HCN1: variants seen among roughly 807,000 people sequenced by gnomAD.
The protein encoded by HCN1 is hyperpolarization activated cyclic nucleotide gated potassium channel 1.
HCN1 carries 13 observed loss-of-function variants against 78.9 expected under a neutral mutation model. The ratio of observed to expected loss-of-function variants is 0.16; its 90% confidence interval spans 0.11 to 0.26. The LOEUF (loss-of-function observed/expected upper bound fraction) is 0.26. Ranked by LOEUF, HCN1 falls within the 10% of genes least tolerant of loss-of-function variation. The pLI, the probability that HCN1 is intolerant of heterozygous loss-of-function variation, is 1.00. For synonymous variants in HCN1, 552 were observed against 455.5 expected, an observed-to-expected ratio of 1.21 and a Z score of -2.70; for missense variants, 810 against 1,154.3, an observed-to-expected ratio of 0.70 and a Z score of 4.32.
At chr5:45,488,360 A>C (rs1741811484) in intron 2 of HCN1, among the ~76,000 whole-genome samples, 1 of 152,176 alleles carries the variant, frequency 6.6e-6, no homozygotes, top group African/African-American at 2.4e-5. Flanking sequence ...GGCATTTAGT[A>C]GCTCAATAAG....
rs1432507004 is a variant in HCN1, at chr5:45,652,774, C to T, written c.426-7166G>A. On this transcript the variant is annotated intron_variant, in intron 1 of 7. Coordinates refer to ENST00000303230, the MANE Select transcript of HCN1 (RefSeq NM_021072.4). ...TATTATAGCATAGCTTTTTTTCTTT[C>T]ATCCATCCACTATGCATAAAACTTT... Among the ~76,000 whole-genome samples, 3 of 151,588 alleles carry T rather than the reference C, an allele frequency of 2.0e-5. 1 individual carries two copies. The highest frequency in any genetic ancestry group is 2.9e-5 in the Non-Finnish European group (2 of 67,830).
At chr5:45,566,023 ACTG>A (rs1743700137) in intron 2 of HCN1, among the ~76,000 whole-genome samples, 2 of 152,294 alleles carry the variant, frequency 1.3e-5, no homozygotes, top group East Asian at 3.9e-4. Flanking sequence ...AAATCTGAAT[ACTG>A]CTAATTAGTC....
chr5:45,688,141 C>G (rs1045342178), intron 1 of HCN1, among the ~76,000 whole-genome samples: 4 of 152,098 alleles, frequency 2.6e-5, no homozygotes, highest in Non-Finnish European at 5.9e-5. Flanking sequence ...TCTCCTCTTT[C>G]TTCTACTTAC....
chr5:45,595,695 G>A (rs1016108302), intron 2 of HCN1, among the ~76,000 whole-genome samples: 1 of 151,648 alleles, frequency 6.6e-6, no homozygotes, highest in Admixed American at 6.6e-5. Context: ...TTCCCCTTAA[G>A]GAGCTATATG....
chr5:45,599,072 C>A (rs968445379), intron 2 of HCN1, among the ~76,000 whole-genome samples: 1 of 152,040 alleles, frequency 6.6e-6, no homozygotes, highest in Non-Finnish European at 1.5e-5. Flanking sequence ...GGGTACATAC[C>A]CAAAGGATTA....
chr5:45,632,090 T>C (rs1272620165), intron 2 of HCN1, among the ~76,000 whole-genome samples: 1 of 152,052 alleles, frequency 6.6e-6, no homozygotes, highest in South Asian at 2.1e-4. Context: ...GTTTTTGCAG[T>C]TTTGAGAGGC....
chr5:45,427,602 C>A (rs185170222), intron 3 of HCN1, among the ~76,000 whole-genome samples: 12 of 152,070 alleles, frequency 7.9e-5, no homozygotes, highest in Non-Finnish European at 1.8e-4. Flanking sequence ...AGATTTTTGA[C>A]AACATAATTT....
chr5:45,381,358 A>C (rs2112025715), intron 4 of HCN1, among the ~76,000 whole-genome samples: 1 of 152,246 alleles, frequency 6.6e-6, no homozygotes, highest in South Asian at 2.1e-4. Flanking sequence ...TGGATACATC[A>C]GGGCCAAGTG....
chr5:45,563,106 A>G (rs1255385419), intron 2 of HCN1, among the ~76,000 whole-genome samples: 1 of 152,220 alleles, frequency 6.6e-6, no homozygotes, highest in East Asian at 1.9e-4. Flanking sequence ...CATTTATCAT[A>G]CCTGGATTTA....
intron 2 of HCN1, among the ~76,000 whole-genome samples, chr5:45,606,941 G>GA (rs967218980): frequency 6.6e-6 from 1 of 151,630 alleles, no homozygotes; most frequent in East Asian, 1.9e-4. Flanking sequence ...GCTCACATTA[G>GA]AAAAAATATG....
At chr5:45,374,290 T>TAACA (rs71000631) in intron 4 of HCN1, among the ~76,000 whole-genome samples, 6 of 128,780 alleles carry the variant, frequency 4.7e-5, no homozygotes, top group African/African-American at 8.9e-5. Flanking sequence ...ATTATATACA[T>TAACA]TATATATATT....
intron 6 of HCN1, among the ~76,000 whole-genome samples, chr5:45,272,007 C>A (rs1744970078): frequency 6.6e-6 from 1 of 152,036 alleles, no homozygotes; most frequent in Non-Finnish European, 1.5e-5. Flanking sequence ...TTAAAATAAT[C>A]TCTTCTTTTA....
At chr5:45,263,378 G>T (rs1202136077) in intron 7 of HCN1, among the ~76,000 whole-genome samples, 2 of 152,238 alleles carry the variant, frequency 1.3e-5, no homozygotes, top group Non-Finnish European at 2.9e-5. Flanking sequence ...TGGTTGGCAG[G>T]TAACAGGGCT....
chr5:45,315,042 C>A (rs1579803625), intron 5 of HCN1, among the ~76,000 whole-genome samples: 5 of 152,252 alleles, frequency 3.3e-5, no homozygotes, highest in African/African-American at 1.2e-4. Context: ...AGGAATTGAA[C>A]TCAGCTCTGC....
chr5:45,503,735 A>T (rs923338730), intron 2 of HCN1, among the ~76,000 whole-genome samples: 4 of 152,054 alleles, frequency 2.6e-5, no homozygotes, highest in African/African-American at 9.7e-5. Flanking sequence ...ATACTTAAGC[A>T]TTGAAAATTA....
At chr5:45,452,407 T>C (rs751317396) in intron 3 of HCN1, among the ~76,000 whole-genome samples, 2 of 151,354 alleles carry the variant, frequency 1.3e-5, no homozygotes, top group Non-Finnish European at 3.0e-5. Flanking sequence ...GGGTTTGATA[T>C]AGAGATTTTT....
chr5:45,372,042 ATTAT>A (rs1747385762), intron 4 of HCN1, among the ~76,000 whole-genome samples: 1 of 58,348 alleles, frequency 1.7e-5, no homozygotes, highest in Non-Finnish European at 2.6e-5. Flanking sequence ...TTATATATAT[ATTAT>A]ATATATAATA....
intron 5 of HCN1, among the ~76,000 whole-genome samples, chr5:45,307,884 G>A (rs891618466): frequency 6.6e-6 from 1 of 152,086 alleles, no homozygotes; most frequent in Non-Finnish European, 1.5e-5. Flanking sequence ...AAAAACGGGG[G>A]AAATTGGATG....
rs1744627389 is a variant in HCN1 at position 45,256,945 on chromosome 5, T to C, written c.*4976A>G. The C allele has an allele frequency of 1.3e-5, 2 of 152,344 alleles. No individual in the cohort carries two copies. Among genetic ancestry groups the C allele is most frequent in the South Asian group, 4.2e-4 (2 of 4,814 alleles). 9.4% of individuals were successfully genotyped at this position (152,344 alleles called of 1,614,324 possible). Reference sequence around the variant, plus strand: ...CCCTTCTCACAGGTTCTAGCTCTTATCTTCTTGTACCCCTTCCCTGCCGCA... The same window carrying C: ...CCCTTCTCACAGGTTCTAGCTCTTACCTTCTTGTACCCCTTCCCTGCCGCA... On this transcript the variant is annotated 3_prime_UTR_variant, in exon 8 of 8. Coordinates refer to ENST00000303230, the MANE Select transcript of HCN1 (RefSeq NM_021072.4).
Sources: gnomAD v4.1 joint callset for allele counts (sites outside exome capture counted in the v4.1 genomes callset) on GRCh38, gnomAD v4.1.1 for gene constraint, MANE v1.5 for transcripts, NCBI Gene and HGNC (gene_info 2026-07-23, HGNC 2026-07-21) for gene names.